Variants in WASF3 observed in about 807,000 individuals in gnomAD.
WASF3 encodes the protein WASP family member 3.
WASF3 carries 11 observed loss-of-function variants against 46.6 expected under a neutral mutation model. The observed-to-expected ratio is 0.24, with a 90% CI of 0.15 to 0.39. The LOEUF is 0.39. Ranked by LOEUF, WASF3 falls within the 10% of genes least tolerant of loss-of-function variation. The pLI is 1.00. For synonymous variants in WASF3, 242 were observed against 259.7 expected, an observed-to-expected ratio of 0.93 and a Z score of 0.65; for missense variants, 576 against 669.8, an observed-to-expected ratio of 0.86 and a Z score of 1.55.
chr13:26,594,510 G>A (rs568534430), intron 1 of WASF3, among the ~76,000 whole-genome samples: 1 of 152,198 alleles, frequency 6.6e-6, no homozygotes, highest in South Asian at 2.1e-4. Flanking sequence ...TTGCGCTCCT[G>A]GCTGCAGCAG....
chr13:26,643,783 G>A (rs1313738586), intron 3 of WASF3, among the ~76,000 whole-genome samples: 2 of 152,206 alleles, frequency 1.3e-5, no homozygotes, highest in Non-Finnish European at 2.9e-5. Context: ...AATCGGCGGA[G>A]TGTTGTGTTA....
At chr13:26,671,137 G>T (rs1882914802) in intron 5 of WASF3, among the ~76,000 whole-genome samples, 1 of 152,154 alleles carries the variant, frequency 6.6e-6, no homozygotes, top group African/African-American at 2.4e-5. Context: ...TGATGGTTTT[G>T]ATCATGACTT....
chr13:26,557,292 G>A (rs1014637035), upstream of WASF3, among the ~76,000 whole-genome samples: 2 of 152,188 alleles, frequency 1.3e-5, no homozygotes, highest in African/African-American at 4.8e-5. Context: ...ACACCTTACA[G>A]GTAGAGGACC....
the WASF3 span, among the ~76,000 whole-genome samples, chr13:26,552,474 T>C: frequency 1.3e-5 from 2 of 152,350 alleles, no homozygotes; most frequent in African/African-American, 2.4e-5. Flanking sequence ...TGGATATGTA[T>C]GTATTTATTT....
rs556289411 is a variant in WASF3, at chr13:26,597,712, G to A, written c.-108-15249G>A. ...TTCCCACCTATGAGTGAGAACGTGC[G>A]GTGTTTGGTTTTTTGTCCTTGCGAT... On this transcript the variant is annotated intron_variant, in intron 1 of 9. Transcript: ENST00000335327. 1.2e-4 allele frequency among the ~76,000 whole-genome samples: 18 copies of A among 152,148 alleles called. No individual in the cohort carries two copies. The South Asian group carries it at 1.5e-3, about 12-fold the overall frequency.
the WASF3 span, among the ~76,000 whole-genome samples, chr13:26,545,558 AT>A: frequency 6.6e-6 from 1 of 152,260 alleles, no homozygotes; most frequent in East Asian, 1.9e-4. Flanking sequence ...AAAAAAATCT[AT>A]TTTAGTCTAA....
At chr13:26,639,794 C>T in intron 2 of WASF3, 1 of 152,502 alleles carries the variant, frequency 6.6e-6, no homozygotes, top group Non-Finnish European at 1.5e-5. Context: ...CCACGCAGGG[C>T]CACATAGGAA....
chr13:26,644,481 G>A (rs945897358), intron 3 of WASF3, among the ~76,000 whole-genome samples: 3 of 152,166 alleles, frequency 2.0e-5, no homozygotes, highest in Non-Finnish European at 4.4e-5. Flanking sequence ...CGCTACTGCA[G>A]TGCATCTCAA....
intron 3 of WASF3, among the ~76,000 whole-genome samples, chr13:26,650,887 G>A (rs1406494861): frequency 1.3e-5 from 2 of 152,098 alleles, no homozygotes; most frequent in African/African-American, 4.8e-5. Flanking sequence ...TTCAAAATAT[G>A]GGACCATATC....
At chr13:26,571,011 T>C (rs917476787) in intron 1 of WASF3, among the ~76,000 whole-genome samples, 3 of 152,182 alleles carry the variant, frequency 2.0e-5, no homozygotes, top group Non-Finnish European at 4.4e-5. Flanking sequence ...GAAAAATCTT[T>C]GTGTAGTTTA....
At chr13:26,665,643 A>T (rs934188304) in intron 4 of WASF3, among the ~76,000 whole-genome samples, 2 of 152,156 alleles carry the variant, frequency 1.3e-5, no homozygotes, top group Non-Finnish European at 2.9e-5. Flanking sequence ...CAGAAATAGC[A>T]TTTACCGAAA....
intron 1 of WASF3, among the ~76,000 whole-genome samples, chr13:26,593,110 A>G (rs1436029046): frequency 6.6e-6 from 1 of 152,144 alleles, no homozygotes; most frequent in Non-Finnish European, 1.5e-5. Flanking sequence ...ACTTAGGTGA[A>G]TGTATGTGGG....
intron 3 of WASF3, among the ~76,000 whole-genome samples, chr13:26,658,883 T>C (rs988535659): frequency 2.0e-5 from 3 of 152,228 alleles, no homozygotes; most frequent in Non-Finnish European, 4.4e-5. Context: ...TCAGTTCTTA[T>C]GTTTTTGTTC....
In WASF3 at chr13:26,562,523, A is replaced by G. The variant is rs77191269; in HGVS notation, c.-109+4704A>G. ...TTAGGGGTGGTTATAGGGAGGGCAG[A>G]TAAAGGGGGAACCCTTTGGTTTTTG... On this transcript the variant is annotated intron_variant, in intron 1 of 9. Coordinates refer to ENST00000335327, the MANE Select transcript of WASF3 (RefSeq NM_006646.6). Among the ~76,000 whole-genome samples, 1,006 of 152,286 alleles carry G rather than the reference A, an allele frequency of 6.6e-3. 15 individuals are homozygous for G. The highest frequency in any genetic ancestry group is 0.023 in the African/African-American group (961 of 41,550).
intron 1 of WASF3, among the ~76,000 whole-genome samples, chr13:26,572,336 G>A (rs978195845): frequency 1.3e-5 from 2 of 152,164 alleles, no homozygotes; most frequent in Non-Finnish European, 2.9e-5. Flanking sequence ...GTGTATGTGC[G>A]TGCATGCACA....
chr13:26,588,886 C>T (rs575008055), intron 1 of WASF3, among the ~76,000 whole-genome samples: 4 of 152,286 alleles, frequency 2.6e-5, no homozygotes, highest in African/African-American at 9.6e-5. Context: ...CAGCCTTGAC[C>T]TCCTGGGCTC....
chr13:26,605,610 C>T (rs1880770015), intron 1 of WASF3, among the ~76,000 whole-genome samples: 1 of 152,104 alleles, frequency 6.6e-6, no homozygotes, highest in Non-Finnish European at 1.5e-5. Flanking sequence ...AAAGATTTGT[C>T]ACAGTGAAGA....
At chr13:26,671,811 C>T (rs1362080134) in intron 5 of WASF3, 61 bp from the exon 6 acceptor site, 1 of 1,152,348 alleles carries the variant, frequency 8.7e-7, no homozygotes, top group Admixed American at 2.5e-5. Context: ...TTAACATTAA[C>T]CTACATATAA....
At chr13:26,624,003 A>C (rs1262189127) in intron 2 of WASF3, among the ~76,000 whole-genome samples, 1 of 152,208 alleles carries the variant, frequency 6.6e-6, no homozygotes, top group Non-Finnish European at 1.5e-5. Context: ...CTAGAAGAAC[A>C]TGTGAATTCA....
Sources: allele counts gnomAD v4.1 joint callset (sites outside exome capture counted in the v4.1 genomes callset), GRCh38; gene constraint gnomAD v4.1.1; transcripts MANE v1.5; gene names NCBI Gene and HGNC (gene_info 2026-07-23, HGNC 2026-07-21).